Variants in CCDC7 observed in about 807,000 individuals in gnomAD.
CCDC7 encodes the protein coiled-coil domain containing 7.
A neutral mutation model predicts 196.9 loss-of-function variants in CCDC7; 183 were observed. The observed-to-expected ratio is 0.93, with a 90% CI of 0.82 to 1.05. The LOEUF (loss-of-function observed/expected upper bound fraction) is 1.05. Among genes scored for constraint, CCDC7 ranks in the 50% least tolerant of loss-of-function variants. The pLI is 0.00. For missense variants in CCDC7, 1,540 were observed against 1,482.2 expected (o/e 1.04, Z -0.64); for synonymous variants, 525 against 484.6 (o/e 1.08, Z -1.10).
At chr10:32,824,584 TAAAGAG>T (rs2090827612) in exon 32 of CCDC7, 1 of 1,610,776 alleles carries the variant, frequency 6.2e-7, no homozygotes, top group Admixed American at 1.7e-5. Flanking sequence ...AAGACGCAGT[TAAAGAG>T]AAAGAGTTAC....
intron 18 of CCDC7, among the ~76,000 whole-genome samples, chr10:32,594,132 C>T (rs947366514): frequency 1.1e-4 from 17 of 152,164 alleles, no homozygotes; most frequent in Non-Finnish European, 2.1e-4. Flanking sequence ...CTATAAATTA[C>T]GTTGGGCAGT....
intron 28 of CCDC7, among the ~76,000 whole-genome samples, chr10:32,734,702 C>G (rs2152508): frequency 0.11 from 16,016 of 152,126 alleles, 1,039 homozygotes; most frequent in South Asian, 0.25. Context: ...CGAGACCAGC[C>G]TGGGCAATAT....
intron 21 of CCDC7, among the ~76,000 whole-genome samples, chr10:32,676,984 G>A (rs917069682): frequency 1.5e-4 from 23 of 151,554 alleles, no homozygotes; most frequent in African/African-American, 7.3e-5. Context: ...GTCCAACAAC[G>A]ATAGACTGGA....
chr10:32,483,339 T>TG (rs1343660981), intron 8 of CCDC7, among the ~76,000 whole-genome samples: 5 of 152,188 alleles, frequency 3.3e-5, no homozygotes, highest in Admixed American at 6.5e-5. Flanking sequence ...CACTTTTTGA[T>TG]GGGGTTGTTT....
At chr10:32,672,059 T>A (rs2074165235) in intron 21 of CCDC7, among the ~76,000 whole-genome samples, 5 of 152,118 alleles carry the variant, frequency 3.3e-5, no homozygotes, top group Admixed American at 2.0e-4. Context: ...AGTATTTGAT[T>A]AGTGGTGCCA....
exon 25 of CCDC7, chr10:32,711,713 A>G: frequency 6.4e-7 from 1 of 1,574,706 alleles, no homozygotes; most frequent in Non-Finnish European, 8.7e-7. Context: ...GAAACTTCTG[A>G]AGGAGAAGGA....
chr10:32,510,657 G>GT (rs1564503886), intron 9 of CCDC7, among the ~76,000 whole-genome samples: 1 of 151,928 alleles, frequency 6.6e-6, no homozygotes, highest in East Asian at 1.9e-4. Flanking sequence ...TTTATTGAGA[G>GT]TACAGTCATC....
intron 8 of CCDC7, among the ~76,000 whole-genome samples, chr10:32,485,120 TC>T (rs1235505358): frequency 1.3e-5 from 2 of 152,228 alleles, no homozygotes; most frequent in Non-Finnish European, 2.9e-5. Context: ...TGTGAATCCA[TC>T]TGGTCCTGGA....
chr10:32,459,747 A>G (rs536782831), intron 3 of CCDC7, among the ~76,000 whole-genome samples: 16 of 132,782 alleles, frequency 1.2e-4, no homozygotes, highest in Middle Eastern at 0.011. Flanking sequence ...TGAATTTTAT[A>G]TGTATAGCAT....
intron 41 of CCDC7, among the ~76,000 whole-genome samples, chr10:32,871,357 A>G (rs929060881): frequency 1.1e-4 from 17 of 151,986 alleles, no homozygotes; most frequent in Non-Finnish European, 1.9e-4. Context: ...GAATTTATCC[A>G]TTTCTTCTAG....
chr10:32,662,208 C>T (rs1042918344), intron 20 of CCDC7, among the ~76,000 whole-genome samples: 1 of 152,112 alleles, frequency 6.6e-6, no homozygotes, highest in Non-Finnish European at 1.5e-5. Context: ...CTCTCTGCAC[C>T]AGGCGGACAC....
chr10:32,857,721 G>A (rs367871073), intron 41 of CCDC7, among the ~76,000 whole-genome samples: 1 of 151,784 alleles, frequency 6.6e-6, no homozygotes, highest in African/African-American at 2.4e-5. Flanking sequence ...GCCTCAAGGA[G>A]TTGGAAAAAG....
At chr10:32,821,041 G>A (rs907091773) in intron 31 of CCDC7, among the ~76,000 whole-genome samples, 2 of 152,110 alleles carry the variant, frequency 1.3e-5, no homozygotes, top group African/African-American at 4.8e-5. Context: ...CCTACAGAAT[G>A]GGAGAAAATT....
At chr10:32,751,569 G>T (rs181255599) in intron 28 of CCDC7, among the ~76,000 whole-genome samples, 1 of 152,086 alleles carries the variant, frequency 6.6e-6, no homozygotes, top group African/African-American at 2.4e-5. Context: ...ATATGAGATT[G>T]GTAGGCTATG....
chr10:32,651,399 G>T (rs1325436511), intron 20 of CCDC7, among the ~76,000 whole-genome samples: 1 of 152,142 alleles, frequency 6.6e-6, no homozygotes, highest in Admixed American at 6.5e-5. Context: ...TTCAAATTAT[G>T]TTGGTATAGT....
chr10:32,757,870 G>C (rs1293448899), intron 28 of CCDC7, among the ~76,000 whole-genome samples: 3 of 151,804 alleles, frequency 2.0e-5, no homozygotes, highest in Non-Finnish European at 4.4e-5. Flanking sequence ...GACTAATAAA[G>C]AAGAAGAGAA....
At chr10:32,652,569 T>G (rs2068967997) in intron 20 of CCDC7, among the ~76,000 whole-genome samples, 1 of 152,172 alleles carries the variant, frequency 6.6e-6, no homozygotes, top group African/African-American at 2.4e-5. Context: ...AGTATATCTA[T>G]TATAGGTTTT....
At chr10:32,647,457 C>T (rs2067969675) in intron 20 of CCDC7, among the ~76,000 whole-genome samples, 1 of 7,430 alleles carries the variant, frequency 1.3e-4, no homozygotes, top group South Asian at 7.7e-3. Flanking sequence ...TTGCAGTGAG[C>T]TGAGATCGTG....
intron 31 of CCDC7, among the ~76,000 whole-genome samples, chr10:32,816,115 G>GGAA (rs2088446014): frequency 6.6e-6 from 1 of 152,178 alleles, no homozygotes; most frequent in African/African-American, 2.4e-5. Context: ...CATGGCACCT[G>GGAA]GAAAACCGGG....
Sources: allele counts gnomAD v4.1 joint callset (sites outside exome capture counted in the v4.1 genomes callset), GRCh38; gene constraint gnomAD v4.1.1; transcripts MANE v1.5; gene names NCBI Gene and HGNC (gene_info 2026-07-23, HGNC 2026-07-21).